IPPK: variants seen among roughly 807,000 people sequenced by gnomAD.
The protein encoded by IPPK is inositol-pentakisphosphate 2-kinase, also known as IPK1 homolog.
IPPK carries 22 observed loss-of-function variants against 64.6 expected under a neutral mutation model. The observed-to-expected ratio is 0.34, with a 90% confidence interval of 0.24 to 0.49. The LOEUF is 0.49. Ranked by LOEUF, IPPK falls within the 20% of genes least tolerant of loss-of-function variation. The pLI, the probability that IPPK is intolerant of heterozygous loss-of-function variation, is 0.99. For synonymous variants in IPPK, 262 were observed against 247.2 expected, an observed-to-expected ratio of 1.06 and a Z score of -0.56; for missense variants, 532 against 630.7, an observed-to-expected ratio of 0.84 and a Z score of 1.68.
At chr9:92,639,766 G>A (rs745336386) in intron 8 of IPPK, among the ~76,000 whole-genome samples, 1 of 152,200 alleles carries the variant, frequency 6.6e-6, no homozygotes, top group Non-Finnish European at 1.5e-5. Flanking sequence ...AAAACTGCCT[G>A]TGAAATATGT....
At chr9:92,668,482 T>C (rs1332751082) in intron 1 of IPPK, among the ~76,000 whole-genome samples, 1 of 152,100 alleles carries the variant, frequency 6.6e-6, no homozygotes, top group Non-Finnish European at 1.5e-5. Flanking sequence ...AACTTGCTGC[T>C]TCATCTGCCA....
intron 8 of IPPK, among the ~76,000 whole-genome samples, 174 bp from the exon 9 acceptor site, chr9:92,638,454 G>A (rs778886800): frequency 2.0e-5 from 3 of 152,182 alleles, no homozygotes; most frequent in African/African-American, 7.2e-5. Context: ...CCACCCTCAC[G>A]AGCTGTGCTA....
intron 2 of IPPK, 27 bp downstream of exon 2, chr9:92,658,607 G>T: frequency 6.3e-7 from 1 of 1,583,442 alleles, no homozygotes; most frequent in Non-Finnish European, 8.7e-7. Context: ...ATTGTTGTAA[G>T]TCTGGGTGCA....
Position 92,649,597 on chromosome 9 carries a change from C to T in IPPK, c.293-23G>A, listed in dbSNP as rs201611718. On this transcript the variant is annotated intron_variant, in intron 4 of 12. Transcript: ENST00000287996. The stretch of plus-strand genomic sequence containing the variant: ...ACTCTGGAAAACAGAGCAAGGGTCA[C>T]ACAGAGCAAGGTCAGTGAGAGAGAT... 4.1e-3 allele frequency: 6,538 copies of T among 1,613,190 alleles called. 17 individuals are homozygous for T. The highest frequency in any genetic ancestry group is 5.1e-3 in the Non-Finnish European group (5,968 of 1,179,504).
intron 6 of IPPK, among the ~76,000 whole-genome samples, chr9:92,644,395 T>A (rs1852108916): frequency 1.3e-5 from 2 of 152,306 alleles, no homozygotes; most frequent in South Asian, 4.1e-4. Flanking sequence ...GAAAACCAGC[T>A]GCCCAGCAGC....
At position 92,669,968 on chromosome 9, in the gene IPPK, G is replaced by A. The variant is rs1377011532; in HGVS notation, c.21C>T (p.Asp7=). The A allele has an allele frequency of 2.5e-6, 4 of 1,612,858 alleles. No individual in the cohort carries two copies. The highest frequency in any genetic ancestry group is 1.7e-4 in the Middle Eastern group (1 of 6,054). Residue 7 remains aspartate, a synonymous_variant, in exon 1 of 13, where the codon GAC becomes GAT. Transcript: ENST00000287996. ...CTCCGTGGTACCCCCATTCATTCTCGTCCATCTTCCCCTCTTCCATGCCCA... is the reference window on the plus strand; with the variant it reads ...CTCCGTGGTACCCCCATTCATTCTCATCCATCTTCCCCTCTTCCATGCCCA... MEEGKM[D]ENEWGYHGEG... is the part of the protein sequence containing the mutation.
chr9:92,618,337 G>C, intron 12 of IPPK: 1 of 456,660 alleles, frequency 2.2e-6, no homozygotes, highest in Non-Finnish European at 4.4e-6. Context: ...TGAGCAGCTG[G>C]TCGTAAGGAC....
chr9:92,632,001 G>A (rs1377654453), intron 11 of IPPK, among the ~76,000 whole-genome samples: 6 of 152,130 alleles, frequency 3.9e-5, no homozygotes, highest in Admixed American at 2.0e-4. Context: ...ATTGGTTTTC[G>A]TCACCAACAA....
chr9:92,642,086 G>C (rs1263032927), intron 7 of IPPK, among the ~76,000 whole-genome samples: 1 of 152,216 alleles, frequency 6.6e-6, no homozygotes, highest in Admixed American at 6.5e-5. Flanking sequence ...CCCACCCTCA[G>C]CCCTGCCAGC....
intron 4 of IPPK, among the ~76,000 whole-genome samples, chr9:92,650,399 C>T (rs902502878): frequency 1.3e-5 from 2 of 152,060 alleles, no homozygotes; most frequent in African/African-American, 4.8e-5. Flanking sequence ...CTTATGGTAT[C>T]GGCTCAAACT....
At chr9:92,662,460 T>C (rs954847197) in intron 1 of IPPK, among the ~76,000 whole-genome samples, 5 of 151,774 alleles carry the variant, frequency 3.3e-5, no homozygotes, top group African/African-American at 7.3e-5. Flanking sequence ...GAGGCAGAGA[T>C]TGCGGTGAGC....
chr9:92,618,147 C>T (rs1382852935), intron 12 of IPPK: 1 of 439,464 alleles, frequency 2.3e-6, no homozygotes, highest in Non-Finnish European at 4.6e-6. Flanking sequence ...CAGGCCCAGC[C>T]CCACACGCCA....
intron 1 of IPPK, among the ~76,000 whole-genome samples, chr9:92,659,063 T>G (rs1852429271): frequency 6.6e-6 from 1 of 152,248 alleles, no homozygotes; most frequent in Non-Finnish European, 1.5e-5. Flanking sequence ...GACACAGATT[T>G]GTGGTTATCA....
At chr9:92,647,059 T>C (rs943380265) in intron 6 of IPPK, among the ~76,000 whole-genome samples, 2 of 152,054 alleles carry the variant, frequency 1.3e-5, no homozygotes, top group Non-Finnish European at 2.9e-5. Flanking sequence ...GATCAACAAA[T>C]ATGACACAAT....
At position 92,656,436 on chromosome 9, in the gene IPPK, T is replaced by A; in HGVS notation, c.225+20A>T. On this transcript the variant is annotated intron_variant, in intron 3 of 12. Coordinates refer to ENST00000287996, the MANE Select transcript of IPPK (RefSeq NM_022755.6). ...TGCAAAACATGCCCAAGAATTCAGA[T>A]GTGAATAAAAAGCACTTACCCCATA... 3 of 1,506,282 alleles carry A rather than the reference T, an allele frequency of 2.0e-6. No homozygotes were observed. Among genetic ancestry groups the A allele is most frequent in the Non-Finnish European group, 2.8e-6 (3 of 1,081,708 alleles). 93.3% of individuals were successfully genotyped at this position (1,506,282 alleles called of 1,614,324 possible).
At chr9:92,618,985 C>T in intron 12 of IPPK, 1 of 263,512 alleles carries the variant, frequency 3.8e-6, no homozygotes, top group East Asian at 9.6e-5. Flanking sequence ...CTGGACAAAA[C>T]TAGTGACATT....
intron 12 of IPPK, chr9:92,616,700 C>T (rs982518781): frequency 6.6e-6 from 1 of 152,438 alleles, no homozygotes; most frequent in African/African-American, 2.4e-5. Context: ...AAGTCGTGTG[C>T]TTATAACAAG....
In IPPK at chr9:92,619,515, A is replaced by G; in HGVS notation, c.1221T>C (p.Ile407=). Residue 407 remains isoleucine, a synonymous_variant, in exon 12 of 13, where the codon ATT becomes ATC. Coordinates refer to ENST00000287996, the MANE Select transcript of IPPK (RefSeq NM_022755.6). The part of the protein sequence containing the change: ...AMTAKDCSIM[I]ALSPCLQDAS... ...CATCCTGCAGACAGGGAGACAGTGC[A>G]ATCATGATGGAGCAGTCCTTGGCAG... The G allele has an allele frequency of 6.3e-7, 1 of 1,593,540 alleles. No individual in the cohort carries two copies. Among genetic ancestry groups the G allele is most frequent in the Non-Finnish European group, 8.5e-7 (1 of 1,170,494 alleles).
chr9:92,656,307 G>C (rs1457339768), intron 3 of IPPK, 149 bp downstream of exon 3: 2 of 618,468 alleles, frequency 3.2e-6, no homozygotes, highest in Non-Finnish European at 3.0e-6. Context: ...TATCCACTCT[G>C]CTGCCACCCA....
Sources: gnomAD v4.1 joint callset for allele counts (sites outside exome capture counted in the v4.1 genomes callset) on GRCh38, gnomAD v4.1.1 for gene constraint, MANE v1.5 for transcripts, NCBI Gene and HGNC (gene_info 2026-07-23, HGNC 2026-07-21) for gene names.